The following ENOX1 variants were observed in gnomAD, a reference collection of about 807,000 sequenced individuals.
ENOX1 encodes ecto-NOX disulfide-thiol exchanger 1.
A neutral mutation model predicts 82.5 loss-of-function variants in ENOX1; 42 were observed. The ratio of observed to expected loss-of-function variants is 0.51; its 90% CI spans 0.40 to 0.66. ENOX1 has a LOEUF of 0.66. Among genes scored for constraint, ENOX1 ranks in the 30% least tolerant of loss-of-function variants. ENOX1 has a pLI of 0.00. For synonymous variants in ENOX1, 271 were observed against 282.2 expected (o/e 0.96, Z 0.40); for missense variants, 608 against 811.6 (o/e 0.75, Z 3.05).
intron 2 of ENOX1, among the ~76,000 whole-genome samples, chr13:43,643,716 T>A (rs1476599679): frequency 6.6e-6 from 1 of 151,842 alleles, no homozygotes; most frequent in Non-Finnish European, 1.5e-5. Flanking sequence ...TATATCAATA[T>A]AAGCTGGCAC....
chr13:43,704,051 C>T (rs1362970423), intron 1 of ENOX1, among the ~76,000 whole-genome samples: 1 of 151,362 alleles, frequency 6.6e-6, no homozygotes, highest in East Asian at 1.9e-4. Context: ...TTATGGATAA[C>T]AAATTAAGAC....
intron 2 of ENOX1, among the ~76,000 whole-genome samples, chr13:43,486,197 G>A (rs373024021): frequency 6.6e-6 from 1 of 152,104 alleles, no homozygotes; most frequent in East Asian, 1.9e-4. Flanking sequence ...GTGACAGAGC[G>A]AGACTTCGTC....
At chr13:43,720,569 C>T (rs1201577581) in intron 1 of ENOX1, among the ~76,000 whole-genome samples, 2 of 152,340 alleles carry the variant, frequency 1.3e-5, no homozygotes, top group East Asian at 3.9e-4. Flanking sequence ...CCACAAAGAG[C>T]TTCACTCTTA....
chr13:43,294,129 G>A (rs910045356), intron 12 of ENOX1, among the ~76,000 whole-genome samples: 2 of 152,086 alleles, frequency 1.3e-5, no homozygotes, highest in Admixed American at 1.3e-4. Context: ...CCACTGGCTT[G>A]CTGGCCTAAG....
At chr13:43,371,682 A>T (rs1026364689) in intron 5 of ENOX1, among the ~76,000 whole-genome samples, 1 of 152,256 alleles carries the variant, frequency 6.6e-6, no homozygotes, top group Non-Finnish European at 1.5e-5. Context: ...AACATTCAAT[A>T]TTTAGTTTCA....
At chr13:43,446,297 C>T (rs1378535803) in intron 3 of ENOX1, among the ~76,000 whole-genome samples, 1 of 152,090 alleles carries the variant, frequency 6.6e-6, no homozygotes, top group African/African-American at 2.4e-5. Context: ...GGAGTGACTA[C>T]AGCATGCCAG....
intron 3 of ENOX1, among the ~76,000 whole-genome samples, chr13:43,467,860 A>C (rs7330665): frequency 0.48 from 72,950 of 152,016 alleles, 18,001 homozygotes; most frequent in African/African-American, 0.53. Flanking sequence ...CCAAATTCAT[A>C]ATTTTGTATT....
intron 2 of ENOX1, among the ~76,000 whole-genome samples, chr13:43,519,605 T>C (rs750796148): frequency 1.3e-5 from 2 of 152,140 alleles, no homozygotes; most frequent in African/African-American, 2.4e-5. Flanking sequence ...AGAAAGCTTA[T>C]ACTGGATGTT....
chr13:43,421,301 A>T (rs2054959775), intron 3 of ENOX1, among the ~76,000 whole-genome samples: 1 of 152,212 alleles, frequency 6.6e-6, no homozygotes, highest in African/African-American at 2.4e-5. Flanking sequence ...TAAGATGAAA[A>T]TGTATTTAAT....
At chr13:43,595,590 C>A (rs2081433560) in intron 2 of ENOX1, among the ~76,000 whole-genome samples, 1 of 152,096 alleles carries the variant, frequency 6.6e-6, no homozygotes, top group Non-Finnish European at 1.5e-5. Flanking sequence ...AATTAACATT[C>A]TTTCATAGGG....
At chr13:43,283,872 T>C (rs2045545962) in intron 12 of ENOX1, among the ~76,000 whole-genome samples, 1 of 152,132 alleles carries the variant, frequency 6.6e-6, no homozygotes, top group Non-Finnish European at 1.5e-5. Flanking sequence ...TTTTGATATA[T>C]TATGTTTTAA....
intron 5 of ENOX1, among the ~76,000 whole-genome samples, chr13:43,404,653 C>T (rs1002634759): frequency 1.3e-5 from 2 of 152,210 alleles, no homozygotes; most frequent in African/African-American, 2.4e-5. Flanking sequence ...TTTAGAGATA[C>T]GTGTTCTCCA....
At chr13:43,721,324 C>T (rs2088559172) in intron 1 of ENOX1, among the ~76,000 whole-genome samples, 2 of 151,008 alleles carry the variant, frequency 1.3e-5, no homozygotes, top group South Asian at 4.2e-4. Flanking sequence ...ATTTAAAACA[C>T]CATAAATCCA....
chr13:43,710,388 A>C (rs960040446), intron 1 of ENOX1, among the ~76,000 whole-genome samples: 1 of 152,200 alleles, frequency 6.6e-6, no homozygotes, highest in Non-Finnish European at 1.5e-5. Flanking sequence ...ATGTAGAAAT[A>C]ACATTTGAAA....
intron 9 of ENOX1, 63 bp from the exon 10 acceptor site, chr13:43,326,588 A>C: frequency 7.6e-7 from 1 of 1,321,424 alleles, no homozygotes; most frequent in Non-Finnish European, 1.1e-6. Flanking sequence ...ATAGGGAAGC[A>C]AAGCAAAGAC....
intron 2 of ENOX1, among the ~76,000 whole-genome samples, chr13:43,575,258 G>A (rs2080368757): frequency 6.6e-6 from 1 of 152,194 alleles, no homozygotes; most frequent in Non-Finnish European, 1.5e-5. Context: ...TAGGAAGCTT[G>A]ACTCCATTTT....
intron 1 of ENOX1, among the ~76,000 whole-genome samples, chr13:43,692,571 G>A (rs1469181244): frequency 1.3e-5 from 2 of 152,010 alleles, no homozygotes; most frequent in Non-Finnish European, 2.9e-5. Flanking sequence ...TATATGTAGA[G>A]GGCTAATCTC....
chr13:43,611,257 T>C (rs1047879316), intron 2 of ENOX1, among the ~76,000 whole-genome samples: 4 of 152,174 alleles, frequency 2.6e-5, no homozygotes, highest in Admixed American at 2.6e-4. Flanking sequence ...GACATACACA[T>C]ATACCCATCA....
intron 3 of ENOX1, among the ~76,000 whole-genome samples, chr13:43,440,473 TAA>T (rs906254141): frequency 6.6e-6 from 1 of 152,178 alleles, no homozygotes; most frequent in African/African-American, 2.4e-5. Flanking sequence ...ACGACATTTT[TAA>T]AGACATTTTA....
Sources: allele counts gnomAD v4.1 joint callset (sites outside exome capture counted in the v4.1 genomes callset), GRCh38; gene constraint gnomAD v4.1.1; transcripts MANE v1.5; gene names NCBI Gene and HGNC (gene_info 2026-07-23, HGNC 2026-07-21).